JPH3: variants seen among roughly 807,000 people sequenced by gnomAD.
The protein encoded by JPH3 is junctophilin 3.
JPH3 carries 11 observed loss-of-function variants against 59.6 expected under a neutral mutation model. That is an observed-to-expected ratio of 0.18 (90% CI 0.12 to 0.31). The LOEUF (loss-of-function observed/expected upper bound fraction) is 0.31. JPH3 is among the 10% of genes least tolerant of loss of function. JPH3 has a pLI of 1.00. For missense variants in JPH3, 1,202 were observed against 1,105.7 expected (o/e 1.09, Z -1.24); for synonymous variants, 673 against 483.6 (o/e 1.39, Z -5.14).
chr16:87,675,054 G>A (rs943206171), intron 2 of JPH3, among the ~76,000 whole-genome samples: 5 of 152,080 alleles, frequency 3.3e-5, no homozygotes, highest in Non-Finnish European at 5.9e-5. Context: ...GAGCCACAGC[G>A]CCTGGCCAAC....
At chr16:87,673,524 T>C (rs1159171963) in intron 2 of JPH3, among the ~76,000 whole-genome samples, 2 of 152,166 alleles carry the variant, frequency 1.3e-5, no homozygotes, top group African/African-American at 4.8e-5. Context: ...GTGTGTGAAA[T>C]ATCAAATATA....
chr16:87,657,736 C>T (rs1295482006), intron 2 of JPH3, among the ~76,000 whole-genome samples: 4 of 152,182 alleles, frequency 2.6e-5, no homozygotes, highest in African/African-American at 9.7e-5. Context: ...ACAGGAAGAC[C>T]ATGAGCTGGT....
intron 1 of JPH3, among the ~76,000 whole-genome samples, chr16:87,623,686 A>G (rs181684238): frequency 7.9e-4 from 120 of 152,230 alleles, no homozygotes; most frequent in African/African-American, 2.9e-3. Flanking sequence ...TGGTGCCTGA[A>G]ATCTGAGGCC....
intron 1 of JPH3, among the ~76,000 whole-genome samples, chr16:87,626,884 A>T (rs919256039): frequency 5.3e-5 from 8 of 152,210 alleles, no homozygotes. Flanking sequence ...TCATGCCTGT[A>T]ATCCCAGCAC....
At chr16:87,688,662 C>T (rs74039462) in intron 3 of JPH3, among the ~76,000 whole-genome samples, 2 of 151,934 alleles carry the variant, frequency 1.3e-5, no homozygotes, top group African/African-American at 2.4e-5. Context: ...TCCCCAAATT[C>T]CCACAGAGCT....
chr16:87,613,059 A>G (rs2030791028), intron 1 of JPH3, among the ~76,000 whole-genome samples: 1 of 149,222 alleles, frequency 6.7e-6, no homozygotes, highest in African/African-American at 2.5e-5. Flanking sequence ...TAGACTAGAA[A>G]TTTTCCAAGC....
chr16:87,683,610 C>CT (rs1045661335), intron 2 of JPH3, among the ~76,000 whole-genome samples: 224 of 142,396 alleles, frequency 1.6e-3, no homozygotes, highest in African/African-American at 3.0e-3. Context: ...AGCCCCTCCC[C>CT]TTTTTTTTTT....
intron 1 of JPH3, among the ~76,000 whole-genome samples, chr16:87,637,953 G>T: frequency 6.6e-6 from 1 of 151,984 alleles, no homozygotes; most frequent in Admixed American, 6.6e-5. Flanking sequence ...TTTCACTCTT[G>T]TTGCCCAGAC....
intron 1 of JPH3, among the ~76,000 whole-genome samples, chr16:87,614,317 G>A (rs1383825042): frequency 1.3e-5 from 2 of 151,580 alleles, no homozygotes; most frequent in African/African-American, 4.9e-5. Context: ...AAGGATAAAG[G>A]CAGGTCCCTG....
Position 87,697,070 on chromosome 16 carries a change from C to G in JPH3, c.*410C>G, listed in dbSNP as rs2033902284. On this transcript the variant is annotated 3_prime_UTR_variant, in exon 5 of 5. Transcript: ENST00000284262. ...CGCGGCCCCTGAGTGGCAGGGCTGA[C>G]TCCCGTCGACACGAGCTTAGAAAGT... 18 of 269,454 alleles carry G rather than the reference C, an allele frequency of 6.7e-5. No individual in the cohort carries two copies. In the South Asian group the frequency reaches 7.3e-4, roughly 11 times the overall value. 16.7% of individuals were successfully genotyped at this position (269,454 alleles called of 1,614,324 possible).
At chr16:87,614,644 C>T (rs923738970) in intron 1 of JPH3, among the ~76,000 whole-genome samples, 1 of 151,132 alleles carries the variant, frequency 6.6e-6, no homozygotes, top group Admixed American at 6.6e-5. Context: ...CTGCGCCTCC[C>T]CGTCCCAGGA....
intron 2 of JPH3, among the ~76,000 whole-genome samples, chr16:87,655,844 T>C (rs2032482437): frequency 6.6e-6 from 1 of 152,230 alleles, no homozygotes; most frequent in African/African-American, 2.4e-5. Context: ...CTGGATTGAA[T>C]GAGGTTCGAC....
chr16:87,611,115 A>G lies in JPH3; in HGVS notation c.382+7587A>G, dbSNP rs1269193458. Reference sequence around the variant, plus strand: ...TGTGGTAACGTGGAAGATTGGAAAAAAAGAAACAAACACATAAAAATGAAA... The same window carrying G: ...TGTGGTAACGTGGAAGATTGGAAAAGAAGAAACAAACACATAAAAATGAAA... On this transcript the variant is annotated intron_variant, in intron 1 of 4. Transcript: ENST00000284262. The surrounding 1 kb of genome is among the most constrained non-coding windows in gnomAD (Gnocchi z 4.5). Among the ~76,000 whole-genome samples the G allele has an allele frequency of 6.6e-6, 1 of 152,240 alleles. No homozygotes were observed. Among genetic ancestry groups the G allele is most frequent in the Non-Finnish European group, 1.5e-5 (1 of 68,042 alleles).
chr16:87,679,017 C>T (rs1597285407), intron 2 of JPH3, among the ~76,000 whole-genome samples: 1 of 152,218 alleles, frequency 6.6e-6, no homozygotes, highest in Non-Finnish European at 1.5e-5. Flanking sequence ...TCATTCATTA[C>T]CGTAGCCCGG....
intron 2 of JPH3, among the ~76,000 whole-genome samples, chr16:87,660,671 C>G (rs1002679028): frequency 6.6e-6 from 1 of 152,220 alleles, no homozygotes; most frequent in Non-Finnish European, 1.5e-5. Context: ...ACAGGTGAGT[C>G]TCTGCCTCCC....
intron 2 of JPH3, among the ~76,000 whole-genome samples, chr16:87,648,313 C>T (rs1275827695): frequency 6.6e-6 from 1 of 152,142 alleles, no homozygotes; most frequent in Non-Finnish European, 1.5e-5. Flanking sequence ...ATGGCTGGCT[C>T]AGGCGCCCAC....
intron 1 of JPH3, chr16:87,604,046 G>A (rs879620777): frequency 8.2e-6 from 8 of 978,016 alleles, no homozygotes; most frequent in Admixed American, 1.2e-4. Context: ...TAGGGGCGGG[G>A]GATGCCAACC....
At chr16:87,619,675 A>G (rs2031100862) in intron 1 of JPH3, among the ~76,000 whole-genome samples, 1 of 152,208 alleles carries the variant, frequency 6.6e-6, no homozygotes, top group Non-Finnish European at 1.5e-5. Flanking sequence ...GGGAGGAGCC[A>G]CGGAGTCTGG....
chr16:87,675,215 A>C, intron 2 of JPH3, among the ~76,000 whole-genome samples: 1 of 89,364 alleles, frequency 1.1e-5, no homozygotes, highest in Non-Finnish European at 2.1e-5. Context: ...CGACTCGCTG[A>C]CCCCTCCTCT....
Sources: allele counts gnomAD v4.1 joint callset (sites outside exome capture counted in the v4.1 genomes callset), GRCh38; gene constraint gnomAD v4.1.1; non-coding constraint Gnocchi (gnomAD v3.1); transcripts MANE v1.5; gene names NCBI Gene and HGNC (gene_info 2026-07-23, HGNC 2026-07-21).